The following UBE2E2 variants were observed in gnomAD, a reference collection of about 807,000 sequenced individuals.
UBE2E2 encodes the protein ubiquitin conjugating enzyme E2 E2, also known as ubiquitin-conjugating enzyme E2 E2.
A neutral mutation model predicts 24.7 loss-of-function variants in UBE2E2; 6 were observed. The ratio of observed to expected loss-of-function variants is 0.24; its 90% CI spans 0.13 to 0.48. The LOEUF (loss-of-function observed/expected upper bound fraction) is 0.48, where lower values mean the gene tolerates loss of function less well. Among genes scored for constraint, UBE2E2 ranks in the 20% least tolerant of loss-of-function variants. The pLI is 0.99. For missense variants in UBE2E2, 169 were observed against 245.0 expected, an observed-to-expected ratio of 0.69 and a Z score of 2.07; for synonymous variants, 104 against 83.6, an observed-to-expected ratio of 1.24 and a Z score of -1.33.
chr3:23,275,992 G>A (rs957426930), intron 3 of UBE2E2, among the ~76,000 whole-genome samples: 5 of 152,154 alleles, frequency 3.3e-5, no homozygotes, highest in Non-Finnish European at 4.4e-5. Context: ...GGCTTTAACT[G>A]AATGATACCA....
intron 3 of UBE2E2, among the ~76,000 whole-genome samples, chr3:23,461,013 C>T (rs913314972): frequency 6.6e-6 from 1 of 152,180 alleles, no homozygotes; most frequent in Non-Finnish European, 1.5e-5. Context: ...AAACAGACTT[C>T]ACACTAGTGA....
At chr3:23,245,979 A>G (rs1443679997) in intron 3 of UBE2E2, among the ~76,000 whole-genome samples, 1 of 152,216 alleles carries the variant, frequency 6.6e-6, no homozygotes, top group Non-Finnish European at 1.5e-5. Flanking sequence ...AAGGAGAAGC[A>G]GGAGACTTCA....
intron 5 of UBE2E2, among the ~76,000 whole-genome samples, chr3:23,556,533 T>C (rs535410427): frequency 6.8e-6 from 1 of 148,106 alleles, no homozygotes; most frequent in South Asian, 2.1e-4. Context: ...ATTAGAATCA[T>C]TGATAAGGCA....
At chr3:23,281,690 A>G (rs1698493825) in intron 3 of UBE2E2, among the ~76,000 whole-genome samples, 1 of 152,208 alleles carries the variant, frequency 6.6e-6, no homozygotes, top group Non-Finnish European at 1.5e-5. Flanking sequence ...ACTTTCTTTA[A>G]TTTGGTTTTA....
chr3:23,335,803 G>A (rs1695190625), intron 3 of UBE2E2, among the ~76,000 whole-genome samples: 1 of 152,052 alleles, frequency 6.6e-6, no homozygotes, highest in African/African-American at 2.4e-5. Flanking sequence ...CAAAGTGCTG[G>A]GATTACAGGT....
intron 3 of UBE2E2, among the ~76,000 whole-genome samples, chr3:23,431,927 A>G (rs1010783774): frequency 1.3e-5 from 2 of 152,182 alleles, no homozygotes; most frequent in Non-Finnish European, 1.5e-5. Context: ...TTAGAAGATG[A>G]TGATCTAAGA....
At chr3:23,344,575 A>C (rs1695495084) in intron 3 of UBE2E2, among the ~76,000 whole-genome samples, 1 of 152,094 alleles carries the variant, frequency 6.6e-6, no homozygotes, top group Non-Finnish European at 1.5e-5. Flanking sequence ...TGAATGAATG[A>C]AGATATTAAG....
At chr3:23,247,216 C>A (rs1440708478) in intron 3 of UBE2E2, among the ~76,000 whole-genome samples, 1 of 151,854 alleles carries the variant, frequency 6.6e-6, no homozygotes, top group Non-Finnish European at 1.5e-5. Context: ...CTTTTTATTC[C>A]AATTTATTAA....
At chr3:23,423,261 G>A (rs1367470340) in intron 3 of UBE2E2, among the ~76,000 whole-genome samples, 2 of 152,170 alleles carry the variant, frequency 1.3e-5, no homozygotes, top group African/African-American at 2.4e-5. Context: ...TTGTGTTCGA[G>A]TTCTAACTTT....
chr3:23,314,801 T>C (rs1258587645), intron 3 of UBE2E2, among the ~76,000 whole-genome samples: 2 of 152,230 alleles, frequency 1.3e-5, no homozygotes, highest in African/African-American at 2.4e-5. Flanking sequence ...ACGTTTCCAC[T>C]GAAAAGACTG....
At chr3:23,267,823 C>T (rs1202612819) in intron 3 of UBE2E2, among the ~76,000 whole-genome samples, 57 of 148,364 alleles carry the variant, frequency 3.8e-4, no homozygotes, top group Admixed American at 1.0e-3. Flanking sequence ...ACTGGCAAAC[C>T]GAATCCAGCA....
chr3:23,366,492 C>T (rs1031027943), intron 3 of UBE2E2, among the ~76,000 whole-genome samples: 24 of 152,242 alleles, frequency 1.6e-4, no homozygotes, highest in Non-Finnish European at 2.6e-4. Flanking sequence ...TGAGATCCTT[C>T]GCTTTGCAAC....
intron 3 of UBE2E2, among the ~76,000 whole-genome samples, chr3:23,291,998 A>G (rs1377569438): frequency 2.0e-5 from 3 of 151,756 alleles, no homozygotes; most frequent in Non-Finnish European, 2.9e-5. Flanking sequence ...AGCTGGGACT[A>G]CAGGCGCCCG....
chr3:23,350,572 G>A (rs935429878), intron 3 of UBE2E2, among the ~76,000 whole-genome samples: 1 of 152,174 alleles, frequency 6.6e-6, no homozygotes, highest in South Asian at 2.1e-4. Flanking sequence ...CCAAGGCTCG[G>A]GAACTACGTG....
intron 3 of UBE2E2, among the ~76,000 whole-genome samples, chr3:23,242,356 A>G (rs1448784273): frequency 2.0e-5 from 3 of 151,332 alleles, no homozygotes; most frequent in African/African-American, 4.8e-5. Context: ...TGTGAGTCAC[A>G]TCCTTTTATC....
At chr3:23,374,860 C>A (rs1311153610) in intron 3 of UBE2E2, among the ~76,000 whole-genome samples, 1 of 152,070 alleles carries the variant, frequency 6.6e-6, no homozygotes, top group South Asian at 2.1e-4. Flanking sequence ...TCTCAAACTC[C>A]TGATCTCATG....
At chr3:23,481,494 T>C (rs1441744743) in intron 3 of UBE2E2, among the ~76,000 whole-genome samples, 3 of 152,246 alleles carry the variant, frequency 2.0e-5, no homozygotes, top group Non-Finnish European at 1.5e-5. Flanking sequence ...TTTCCATCTA[T>C]AAAGAGTACA....
chr3:23,540,819 C>G (rs1218962050), intron 5 of UBE2E2, among the ~76,000 whole-genome samples: 1 of 152,114 alleles, frequency 6.6e-6, no homozygotes, highest in East Asian at 1.9e-4. Flanking sequence ...CTCCTGGGCT[C>G]AAGTGGTCTC....
intron 3 of UBE2E2, among the ~76,000 whole-genome samples, chr3:23,306,265 A>T (rs1477689496): frequency 1.3e-5 from 2 of 152,226 alleles, no homozygotes; most frequent in Non-Finnish European, 2.9e-5. Context: ...TCTGTGTCTC[A>T]GTTCTCTGAC....
Sources: gnomAD v4.1 joint callset for allele counts (sites outside exome capture counted in the v4.1 genomes callset) on GRCh38, gnomAD v4.1.1 for gene constraint, MANE v1.5 for transcripts, NCBI Gene and HGNC (gene_info 2026-07-23, HGNC 2026-07-21) for gene names.